The following CDK6 variants were observed in gnomAD, a reference collection of about 807,000 sequenced individuals.
CDK6 encodes cyclin-dependent kinase 6.
Under a neutral mutation model 37.1 loss-of-function variants are expected in CDK6, and 6 were observed. The observed-to-expected ratio is 0.16, with a 90% CI of 0.09 to 0.32. The LOEUF (loss-of-function observed/expected upper bound fraction) is 0.32. Among genes scored for constraint, CDK6 ranks in the 10% least tolerant of loss-of-function variants. The pLI is 1.00. For missense variants in CDK6, 224 were observed against 418.9 expected, an observed-to-expected ratio of 0.53 and a Z score of 4.06; for synonymous variants, 160 against 161.3, an observed-to-expected ratio of 0.99 and a Z score of 0.06.
At chr7:92,695,406 G>C (rs1472708490) in intron 4 of CDK6, among the ~76,000 whole-genome samples, 1 of 152,120 alleles carries the variant, frequency 6.6e-6, no homozygotes, top group East Asian at 1.9e-4. Flanking sequence ...AGGACAAAGA[G>C]ATAAGGACAA....
At chr7:92,795,019 G>A (rs1800373926) in intron 2 of CDK6, among the ~76,000 whole-genome samples, 1 of 152,008 alleles carries the variant, frequency 6.6e-6, no homozygotes, top group Non-Finnish European at 1.5e-5. Flanking sequence ...AGATTTATTT[G>A]GTCATATAAG....
chr7:92,635,621 T>G (rs2116522336), intron 5 of CDK6, among the ~76,000 whole-genome samples: 1 of 152,252 alleles, frequency 6.6e-6, no homozygotes, highest in Middle Eastern at 3.4e-3. Context: ...CGTTCCAAAG[T>G]TATTTATTTT....
chr7:92,648,159 T>C (rs965843290), intron 5 of CDK6, among the ~76,000 whole-genome samples: 3 of 152,160 alleles, frequency 2.0e-5, no homozygotes, highest in African/African-American at 7.2e-5. Context: ...CCCCTTCTTA[T>C]TTTCCTATGG....
intron 2 of CDK6, among the ~76,000 whole-genome samples, chr7:92,829,255 T>G (rs964535297): frequency 1.3e-5 from 2 of 151,998 alleles, no homozygotes; most frequent in Non-Finnish European, 2.9e-5. Context: ...TTTCTTTGGG[T>G]TTTTTGTTTT....
At chr7:92,683,709 T>TGGGG (rs111440463) in intron 4 of CDK6, among the ~76,000 whole-genome samples, 2 of 144,808 alleles carry the variant, frequency 1.4e-5, no homozygotes, top group African/African-American at 5.0e-5. Flanking sequence ...AGGACTGTGG[T>TGGGG]GGGGGGGGGG....
Position 92,771,956 on chromosome 7 carries a change from G to A in CDK6, c.369+2740C>T, listed in dbSNP as rs1799727429. Among the ~76,000 whole-genome samples, 2 of 152,136 alleles carry A rather than the reference G, an allele frequency of 1.3e-5. 1 individual carries two copies. The highest frequency in any genetic ancestry group is 4.1e-4 in the South Asian group (2 of 4,832). On this transcript the variant is annotated intron_variant, in intron 3 of 7. Transcript: ENST00000424848. ...ATTCAGATTCTCCTACTTAGCAGCT[G>A]TTTATTCTGCATTCCAATTCTTAAA...
At chr7:92,733,860 A>G (rs1798709909) in intron 3 of CDK6, among the ~76,000 whole-genome samples, 1 of 152,100 alleles carries the variant, frequency 6.6e-6, no homozygotes, top group African/African-American at 2.4e-5. Context: ...TTTTTTGAAA[A>G]TAAAAATATG....
intron 4 of CDK6, among the ~76,000 whole-genome samples, chr7:92,680,815 T>A (rs1212404638): frequency 6.6e-6 from 1 of 152,170 alleles, no homozygotes; most frequent in South Asian, 2.1e-4. Context: ...GTCCAGATCC[T>A]ACCCATCTTT....
At chr7:92,743,238 TG>T (rs1798972039) in intron 3 of CDK6, among the ~76,000 whole-genome samples, 1 of 151,834 alleles carries the variant, frequency 6.6e-6, no homozygotes, top group Non-Finnish European at 1.5e-5. Flanking sequence ...TAGCTGGGCG[TG>T]GTGGCAGGTG....
At chr7:92,695,703 A>G (rs1797701513) in intron 4 of CDK6, among the ~76,000 whole-genome samples, 1 of 152,186 alleles carries the variant, frequency 6.6e-6, no homozygotes, top group Non-Finnish European at 1.5e-5. Flanking sequence ...AAGCACAGAG[A>G]AGTTTTGTGC....
At chr7:92,709,287 A>T (rs953047038) in intron 4 of CDK6, among the ~76,000 whole-genome samples, 1 of 151,930 alleles carries the variant, frequency 6.6e-6, no homozygotes, top group African/African-American at 2.4e-5. Context: ...CAACCCACAT[A>T]CTTCTTGCTG....
chr7:92,666,164 A>G lies in CDK6; in HGVS notation c.647+5262T>C, dbSNP rs539590039. ...AATAAACAACTAGGATGCGACCTCT[A>G]AAGAAGGTTAATCCCAACTGCTGGC... On this transcript the variant is annotated intron_variant, in intron 5 of 7. Coordinates refer to ENST00000424848, the MANE Select transcript of CDK6 (RefSeq NM_001145306.2). Among the ~76,000 whole-genome samples, 263 of 152,340 alleles carry G rather than the reference A, an allele frequency of 1.7e-3. 3 individuals are homozygous for G. The highest frequency in any genetic ancestry group is 6.1e-3 in the African/African-American group (255 of 41,574).
chr7:92,744,207 C>A (rs1799001254), intron 3 of CDK6, among the ~76,000 whole-genome samples: 1 of 152,018 alleles, frequency 6.6e-6, no homozygotes. Context: ...GGGTAACTTA[C>A]AAAGAGTAAG....
At chr7:92,682,363 TA>T (rs1028038963) in intron 4 of CDK6, among the ~76,000 whole-genome samples, 13 of 152,242 alleles carry the variant, frequency 8.5e-5, no homozygotes, top group African/African-American at 2.9e-4. Context: ...TGAGGTTCTT[TA>T]AACATGTGTG....
chr7:92,691,227 G>A (rs907785086), intron 4 of CDK6, among the ~76,000 whole-genome samples: 1 of 152,182 alleles, frequency 6.6e-6, no homozygotes, highest in East Asian at 1.9e-4. Flanking sequence ...TCCTGGAAGA[G>A]TTCATAGTCA....
intron 3 of CDK6, among the ~76,000 whole-genome samples, chr7:92,735,960 C>T (rs1032898268): frequency 6.6e-6 from 1 of 152,046 alleles, no homozygotes; most frequent in African/African-American, 2.4e-5. Flanking sequence ...CTAAGTGAGT[C>T]ACTTAGACAT....
chr7:92,713,446 T>C (rs936535480), intron 4 of CDK6, among the ~76,000 whole-genome samples: 1 of 152,138 alleles, frequency 6.6e-6, no homozygotes, highest in African/African-American at 2.4e-5. Context: ...ATATTGGTTT[T>C]TTGAACCCAA....
chr7:92,713,689 G>C (rs79472680), intron 4 of CDK6, among the ~76,000 whole-genome samples: 1 of 106,576 alleles, frequency 9.4e-6, no homozygotes, highest in Non-Finnish European at 2.0e-5. Flanking sequence ...AAAAAAAAAA[G>C]AACTAGTATC....
intron 5 of CDK6, among the ~76,000 whole-genome samples, chr7:92,625,453 C>G (rs10270583): frequency 0.071 from 10,764 of 150,972 alleles, 1,314 homozygotes; most frequent in African/African-American, 0.25. Context: ...AAAGAATTTT[C>G]TAAAGGATGA....
Sources: gnomAD v4.1 joint callset for allele counts (sites outside exome capture counted in the v4.1 genomes callset) on GRCh38, gnomAD v4.1.1 for gene constraint, MANE v1.5 for transcripts, NCBI Gene and HGNC (gene_info 2026-07-23, HGNC 2026-07-21) for gene names.